NDFIP1: variants seen among roughly 807,000 people sequenced by gnomAD.
The protein encoded by NDFIP1 is NEDD4 family-interacting protein 1.
In NDFIP1, 7 loss-of-function variants were observed where a neutral mutation model predicts 28.8. That is an observed-to-expected ratio of 0.24 (90% CI 0.14 to 0.46). The LOEUF (loss-of-function observed/expected upper bound fraction) is 0.46. Ranked by LOEUF, NDFIP1 falls within the 20% of genes least tolerant of loss-of-function variation. The pLI, the probability that NDFIP1 is intolerant of heterozygous loss-of-function variation, is 0.99. For synonymous variants in NDFIP1, 92 were observed against 101.0 expected, an observed-to-expected ratio of 0.91 and a Z score of 0.53; for missense variants, 194 against 269.1, an observed-to-expected ratio of 0.72 and a Z score of 1.95.
chr5:142,108,995 G>C lies in NDFIP1; in HGVS notation c.21G>C (p.Ala7=). 1 of 1,444,480 alleles carries C rather than the reference G, an allele frequency of 6.9e-7. No homozygotes were observed. The highest frequency in any genetic ancestry group is 9.1e-7 in the Non-Finnish European group (1 of 1,101,810). The allele number at this position is 1,444,480 out of a possible 1,614,324, so 89.5% of individuals were successfully genotyped here. ...GCGCCATGGCGTTGGCGTTGGCGGCGCTGGCGGCGGTCGAGCCGGCCTGCG... is the reference window on the plus strand; with the variant it reads ...GCGCCATGGCGTTGGCGTTGGCGGCCCTGGCGGCGGTCGAGCCGGCCTGCG... MALALA[A]LAAVEPACGS... is the part of the protein sequence containing the mutation. The change falls in exon 1 of 8, where the codon GCG becomes GCC. Residue 7 remains alanine (A), a synonymous_variant. Transcript: ENST00000253814.
chr5:142,149,082 A>G (rs1020271870), intron 7 of NDFIP1, among the ~76,000 whole-genome samples: 1 of 152,120 alleles, frequency 6.6e-6, no homozygotes, highest in Admixed American at 6.5e-5. Flanking sequence ...GAAGGAAAAA[A>G]GGAGGTTTTT....
At chr5:142,124,541 A>G (rs1757151278) in intron 1 of NDFIP1, among the ~76,000 whole-genome samples, 1 of 152,258 alleles carries the variant, frequency 6.6e-6, no homozygotes, top group African/African-American at 2.4e-5. Flanking sequence ...GATGATAACC[A>G]CAAAAATTTT....
chr5:142,113,768 T>C (rs763658812), intron 1 of NDFIP1, among the ~76,000 whole-genome samples: 2 of 152,202 alleles, frequency 1.3e-5, no homozygotes, highest in Non-Finnish European at 2.9e-5. Flanking sequence ...TGTATTTGAC[T>C]ACCGTAGGTA....
intron 4 of NDFIP1, among the ~76,000 whole-genome samples, chr5:142,136,696 C>T (rs570949868): frequency 3.8e-5 from 5 of 132,952 alleles, no homozygotes; most frequent in Admixed American, 2.6e-4. Context: ...CAGAGGTTGC[C>T]GTGAGGTGAG....
chr5:142,140,896 T>C lies in NDFIP1; in HGVS notation c.562+267T>C, dbSNP rs567423101. ...CCCCCATGTGATAAATGGGGTATGC[T>C]GATGACTCTGTAGTCTGTCAGTTTT... is the stretch of plus-strand genomic sequence containing the variant. On this transcript the variant is annotated intron_variant, in intron 6 of 7. Coordinates refer to ENST00000253814, the MANE Select transcript of NDFIP1 (RefSeq NM_030571.4). Among the ~76,000 whole-genome samples the C allele has an allele frequency of 4.6e-5, 7 of 152,342 alleles. No homozygotes were observed. In the South Asian group the frequency reaches 1.5e-3, roughly 32 times the overall value.
intron 6 of NDFIP1, 104 bp from the exon 7 acceptor site, chr5:142,144,467 T>C (rs3850576): frequency 0.11 from 93,990 of 823,548 alleles, 7,185 homozygotes; most frequent in African/African-American, 0.33. Flanking sequence ...TGATTACCTT[T>C]AGCAGAAAAA....
chr5:142,140,659 G>T, intron 6 of NDFIP1, 30 bp downstream of exon 6: 1 of 1,557,570 alleles, frequency 6.4e-7, no homozygotes, highest in Non-Finnish European at 8.8e-7. Flanking sequence ...GAAAAGGCAA[G>T]AAAACATTAC....
At chr5:142,109,073 C>T (rs1756983801) in intron 1 of NDFIP1, 36 bp downstream of exon 1, 1 of 1,353,076 alleles carries the variant, frequency 7.4e-7, no homozygotes, top group Admixed American at 3.3e-5. Context: ...GAACTCCGGT[C>T]CCTGGCTCTG....
Position 142,153,590 on chromosome 5 carries a change from A to G in NDFIP1, c.*1862A>G. On this transcript the variant is annotated 3_prime_UTR_variant, in exon 8 of 8. Transcript: ENST00000253814. Reference sequence around the variant, plus strand: ...ATTTGATAATAGAGAAGGGAGTTTTATGGAAGTTTCTTTGAAGATTTTTTT... The same window carrying G: ...ATTTGATAATAGAGAAGGGAGTTTTGTGGAAGTTTCTTTGAAGATTTTTTT... The G allele has an allele frequency of 3.4e-6, 1 of 296,602 alleles. No individual in the cohort carries two copies. Among genetic ancestry groups the G allele is most frequent in the East Asian group, 8.1e-5 (1 of 12,404 alleles). 18.4% of individuals were successfully genotyped at this position (296,602 alleles called of 1,614,324 possible). A position where few individuals can be genotyped will look rare whatever the true frequency, so the allele number is the denominator to read the frequency against.
chr5:142,123,185 A>G (rs1217753162), intron 1 of NDFIP1, among the ~76,000 whole-genome samples: 1 of 151,872 alleles, frequency 6.6e-6, no homozygotes, highest in Non-Finnish European at 1.5e-5. Context: ...CTGGTCTCAA[A>G]CTCCTGATCT....
intron 1 of NDFIP1, among the ~76,000 whole-genome samples, chr5:142,116,352 T>TCTTTCTCTCTCTCTCTCTCTC (rs1561597776): frequency 8.6e-6 from 1 of 116,274 alleles, no homozygotes; most frequent in African/African-American, 4.3e-5. Context: ...CCTTCCTTCT[T>TCTTTCTCTCTCTCTCTCTCTC]TCTCTCTCTC....
At chr5:142,136,679 C>T (rs966177055) in intron 4 of NDFIP1, among the ~76,000 whole-genome samples, 11 of 141,030 alleles carry the variant, frequency 7.8e-5, no homozygotes, top group African/African-American at 2.7e-4. Flanking sequence ...CGATTGAACC[C>T]GGGAGGCAGA....
chr5:142,118,473 A>C (rs547148817), intron 1 of NDFIP1, among the ~76,000 whole-genome samples: 2 of 152,168 alleles, frequency 1.3e-5, no homozygotes, highest in Non-Finnish European at 1.5e-5. Context: ...CCACAGGTAA[A>C]GTGCTGTTCT....
chr5:142,150,900 GTATCTC>G (rs1278993908), intron 7 of NDFIP1, among the ~76,000 whole-genome samples: 1 of 152,108 alleles, frequency 6.6e-6, no homozygotes. Flanking sequence ...AGCAGTAAAT[GTATCTC>G]TTTAGTGTTT....
intron 1 of NDFIP1, among the ~76,000 whole-genome samples, chr5:142,124,992 A>AT (rs1296175591): frequency 1.3e-5 from 2 of 151,998 alleles, no homozygotes; most frequent in East Asian, 1.9e-4. Flanking sequence ...CGCCCAGCTA[A>AT]TTTTTTTGTA....
Position 142,108,797 on chromosome 5 carries a change from T to TCGG in NDFIP1, c.-165_-163dup, listed in dbSNP as rs1285462772. On this transcript the variant is annotated 5_prime_UTR_variant, in exon 1 of 8. Transcript: ENST00000253814. Reference sequence around the variant, plus strand: ...CTTCCCCAGGGGCCGCGTCGGAGCCTCGGCGGCGGCGGCGGTGCTTACAGC... The same window carrying TCGG: ...CTTCCCCAGGGGCCGCGTCGGAGCCTCGGCGGCGGCGGCGGCGGTGCTTACAGC... The TCGG allele has an allele frequency of 2.9e-5, 13 of 455,592 alleles. No homozygotes were observed. The highest frequency in any genetic ancestry group is 1.2e-4 in the African/African-American group (6 of 48,614). The allele number at this position is 455,592 out of a possible 1,614,324, so 28.2% of individuals were successfully genotyped here.
chr5:142,126,256 G>A (rs1757169144), intron 1 of NDFIP1, among the ~76,000 whole-genome samples: 1 of 152,094 alleles, frequency 6.6e-6, no homozygotes, highest in South Asian at 2.1e-4. Context: ...GTAGTGGGTT[G>A]GTAATGAGAG....
rs7715509 is a variant in NDFIP1 at position 142,114,752 on chromosome 5, C to T, written c.63+5715C>T. ...GTATGGAAACAGGATTTGTCAGTGTCGGGCTGTGGATCCATAACTAACTGT... is the reference window on the plus strand; with the variant it reads ...GTATGGAAACAGGATTTGTCAGTGTTGGGCTGTGGATCCATAACTAACTGT... On this transcript the variant is annotated intron_variant, in intron 1 of 7. Transcript: ENST00000253814. Among the ~76,000 whole-genome samples the T allele has an allele frequency of 7.0e-3, 1,069 of 152,286 alleles. 12 individuals carry two copies. Among genetic ancestry groups the T allele is most frequent in the African/African-American group, 0.025 (1,021 of 41,556 alleles).
intron 7 of NDFIP1, among the ~76,000 whole-genome samples, chr5:142,151,458 TTTG>T (rs1757445714): frequency 6.6e-6 from 1 of 152,224 alleles, no homozygotes. Flanking sequence ...ATTGTATTCT[TTTG>T]TTAAGAGGTT....
Sources: gnomAD v4.1 joint callset for allele counts (sites outside exome capture counted in the v4.1 genomes callset) on GRCh38, gnomAD v4.1.1 for gene constraint, MANE v1.5 for transcripts, NCBI Gene and HGNC (gene_info 2026-07-23, HGNC 2026-07-21) for gene names.